The following PCDHGB4 variants were observed in gnomAD, a reference collection of about 807,000 sequenced individuals.
The protein encoded by PCDHGB4 is protocadherin gamma subfamily B, 4, also known as protocadherin gamma-B4.
Under a neutral mutation model 60.5 loss-of-function variants are expected in PCDHGB4, and 38 were observed. That is an observed-to-expected ratio of 0.63 (90% CI 0.48 to 0.82). PCDHGB4 has a LOEUF of 0.82. Among genes scored for constraint, PCDHGB4 ranks in the 40% least tolerant of loss-of-function variants. The pLI, the probability that PCDHGB4 is intolerant of heterozygous loss-of-function variation, is 0.00. For missense variants in PCDHGB4, 1,109 were observed against 1,209.6 expected, an observed-to-expected ratio of 0.92 and a Z score of 1.23; for synonymous variants, 456 against 509.7, an observed-to-expected ratio of 0.89 and a Z score of 1.42.
In PCDHGB4 at chr5:141,410,110, C is replaced by G. The variant is rs1361292941; in HGVS notation, c.2397+19829C>G. The G allele has an allele frequency of 6.8e-6, 11 of 1,612,422 alleles. No homozygotes were observed. In the African/African-American group the frequency reaches 1.3e-4, roughly 20 times the overall value. ...CGGCTCGAGCCTTAGGCGACAGGGA[C>G]GCAGCCCGCCAGCGCCTGCTGGTCG... is the stretch of plus-strand genomic sequence containing the variant. On this transcript the variant is annotated intron_variant, in intron 1 of 3. Coordinates refer to ENST00000519479, the MANE Select transcript of PCDHGB4 (RefSeq NM_003736.4).
rs2099634686 is a variant in PCDHGB4 at position 141,486,772 on chromosome 5, T to G, written c.2398-8035T>G. 1 of 1,614,246 alleles carries G rather than the reference T, an allele frequency of 6.2e-7. No individual in the cohort carries two copies. The highest frequency in any genetic ancestry group is 8.5e-7 in the Non-Finnish European group (1 of 1,180,042). Reference sequence around the variant, plus strand: ...ATGAGCAAACCCAGACACTGCAGTTTGAGGTGCAGGCCCGGGATCGGGGCA... The same window carrying G: ...ATGAGCAAACCCAGACACTGCAGTTGGAGGTGCAGGCCCGGGATCGGGGCA... On this transcript the variant is annotated intron_variant, in intron 1 of 3. Coordinates refer to ENST00000519479, the MANE Select transcript of PCDHGB4 (RefSeq NM_003736.4). This position sits in a 1 kb window ranked among gnomAD's most constrained non-coding sequence, Gnocchi z 5.0.
Position 141,485,844 on chromosome 5 carries a change from G to A in PCDHGB4, c.2398-8963G>A, listed in dbSNP as rs201857404. On this transcript the variant is annotated intron_variant, in intron 1 of 3. Transcript: ENST00000519479. The surrounding 1 kb of genome is among the most constrained non-coding windows in gnomAD (Gnocchi z 5.7). ...GATGGAGGGAACCCGCCGAGATCTGGCACCGCAGAGCTCCGGGTATCCGTG... is the reference window on the plus strand; with the variant it reads ...GATGGAGGGAACCCGCCGAGATCTGACACCGCAGAGCTCCGGGTATCCGTG... 6 of 1,613,890 alleles carry A rather than the reference G, an allele frequency of 3.7e-6. No homozygotes were observed. In the East Asian group the frequency reaches 1.1e-4, roughly 30 times the overall value.
At chr5:141,451,779 G>T (rs1284464259) in intron 1 of PCDHGB4, among the ~76,000 whole-genome samples, 1 of 152,070 alleles carries the variant, frequency 6.6e-6, no homozygotes, top group Non-Finnish European at 1.5e-5. Flanking sequence ...TACTCAGGAG[G>T]CTGAGGCCAG....
intron 1 of PCDHGB4, among the ~76,000 whole-genome samples, chr5:141,397,268 T>C (rs532503951): frequency 2.0e-5 from 3 of 152,180 alleles, no homozygotes; most frequent in African/African-American, 7.2e-5. Flanking sequence ...CTTAGCTACA[T>C]CATATGGGCA....
Position 141,389,816 on chromosome 5 carries a change from G to A in PCDHGB4, c.1932G>A (p.Val644=), listed in dbSNP as rs1359127304. 6.2e-7 allele frequency: 1 copy of A among 1,613,776 alleles called. No homozygotes were observed. The highest frequency in any genetic ancestry group is 1.7e-5 in the Admixed American group (1 of 60,004). The change falls in exon 1 of 4, where the codon GTG becomes GTA. Residue 644 remains valine (V), a synonymous_variant. Transcript: ENST00000519479. ...DAVRQRLLVA[V]RDGGQPPLSA... is the part of the protein sequence containing the mutation. Reference sequence around the variant, plus strand: ...TCCGCCAGCGCCTTCTGGTCGCCGTGCGTGACGGTGGACAGCCACCACTCT... The same window carrying A: ...TCCGCCAGCGCCTTCTGGTCGCCGTACGTGACGGTGGACAGCCACCACTCT...
chr5:141,487,297 C>A lies in PCDHGB4; in HGVS notation c.2398-7510C>A. ...TTTGCTTTGTCTCCTTTGGCTCATT[C>A]GTGGCACTACTCTCTAAGTGTCTTC... is the stretch of plus-strand genomic sequence containing the variant. On this transcript the variant is annotated intron_variant, in intron 1 of 3. Transcript: ENST00000519479. This position sits in a 1 kb window ranked among gnomAD's most constrained non-coding sequence, Gnocchi z 5.0. 1 of 1,614,102 alleles carries A rather than the reference C, an allele frequency of 6.2e-7. No homozygotes were observed. The highest frequency in any genetic ancestry group is 8.5e-7 in the Non-Finnish European group (1 of 1,180,002).
intron 1 of PCDHGB4, among the ~76,000 whole-genome samples, chr5:141,459,804 C>G (rs2098975712): frequency 6.6e-6 from 1 of 152,192 alleles, no homozygotes; most frequent in Non-Finnish European, 1.5e-5. Context: ...TCCCTGTTGA[C>G]TAGAGACACT....
chr5:141,446,251 A>G (rs979768028), intron 1 of PCDHGB4, among the ~76,000 whole-genome samples: 1 of 152,178 alleles, frequency 6.6e-6, no homozygotes, highest in Admixed American at 6.5e-5. Context: ...ATCTTCAGTG[A>G]AATATTATTA....
intron 1 of PCDHGB4, among the ~76,000 whole-genome samples, chr5:141,425,078 G>A (rs1196415752): frequency 3.9e-5 from 6 of 152,112 alleles, no homozygotes; most frequent in Admixed American, 6.5e-5. Flanking sequence ...AATTTCAACT[G>A]TAGGAAAGGC....
rs141397385 is a variant in PCDHGB4 at position 141,476,135 on chromosome 5, A to C, written c.2398-18672A>C. 8.4e-4 allele frequency: 1,352 copies of C among 1,608,526 alleles called. 1 individual carries two copies. Among genetic ancestry groups the C allele is most frequent in the Non-Finnish European group, 1.1e-3 (1,319 of 1,178,332 alleles). On this transcript the variant is annotated intron_variant, in intron 1 of 3. Transcript: ENST00000519479. This position sits in a 1 kb window ranked among gnomAD's most constrained non-coding sequence, Gnocchi z 7.6. ...GAGTGAGATGGTCCCAGAGGCCTGG[A>C]GGAGCGGACTGGTAAGCACCGGGAG...
Position 141,511,669 on chromosome 5 carries a change from T to C in PCDHGB4, c.*496T>C, listed in dbSNP as rs1468492336. 1 of 199,424 alleles carries C rather than the reference T, an allele frequency of 5.0e-6. No individual in the cohort carries two copies. The highest frequency in any genetic ancestry group is 2.3e-5 in the African/African-American group (1 of 43,748). The allele number at this position is 199,424 out of a possible 1,614,324, so 12.4% of individuals were successfully genotyped here. ...TCTTGGCCTCTCCTTTGATTCTCAA[T>C]CTTCCCCCAAAGCATGGTTTGGTGC... On this transcript the variant is annotated 3_prime_UTR_variant, in exon 4 of 4. Coordinates refer to ENST00000519479, the MANE Select transcript of PCDHGB4 (RefSeq NM_003736.4).
At chr5:141,436,425 G>A (rs2097823674) in intron 1 of PCDHGB4, among the ~76,000 whole-genome samples, 2 of 152,268 alleles carry the variant, frequency 1.3e-5, no homozygotes, top group Non-Finnish European at 2.9e-5. Context: ...AACAAATAAT[G>A]TACTCTGGGG....
chr5:141,399,960 G>T, intron 1 of PCDHGB4: 1 of 1,612,214 alleles, frequency 6.2e-7, no homozygotes, highest in Non-Finnish European at 8.5e-7. Flanking sequence ...GCGAGCCCGG[G>T]CTCTTCAGCC....
chr5:141,490,106 T>C lies in PCDHGB4; in HGVS notation c.2398-4701T>C, dbSNP rs1314489019. On this transcript the variant is annotated intron_variant, in intron 1 of 3. Coordinates refer to ENST00000519479, the MANE Select transcript of PCDHGB4 (RefSeq NM_003736.4). The surrounding 1 kb of genome is among the most constrained non-coding windows in gnomAD (Gnocchi z 5.4). ...TTTGGAGACCACACATCTGAGGCAG[T>C]GCGGAACCTCTTTGGCCTAGACCCT... 2.5e-6 allele frequency: 4 copies of C among 1,614,246 alleles called. No homozygotes were observed. Among genetic ancestry groups the C allele is most frequent in the South Asian group, 1.1e-5 (1 of 91,086 alleles).
At chr5:141,504,842 A>G (rs944461166) in intron 2 of PCDHGB4, among the ~76,000 whole-genome samples, 7 of 151,968 alleles carry the variant, frequency 4.6e-5, no homozygotes, top group African/African-American at 1.7e-4. Context: ...CTAGCTCTGG[A>G]ACATTCTCTT....
chr5:141,400,106 T>A (rs771937544), intron 1 of PCDHGB4: 1 of 1,613,950 alleles, frequency 6.2e-7, no homozygotes, highest in African/African-American at 1.3e-5. Context: ...CACTTGGTCT[T>A]TGCTGACAGC....
In PCDHGB4 at chr5:141,432,219, T is replaced by A. The variant is rs1327611752; in HGVS notation, c.2397+41938T>A. 6.2e-7 allele frequency: 1 copy of A among 1,614,122 alleles called. No homozygotes were observed. Among genetic ancestry groups the A allele is most frequent in the East Asian group, 2.2e-5 (1 of 44,868 alleles). On this transcript the variant is annotated intron_variant, in intron 1 of 3. Transcript: ENST00000519479. The surrounding 1 kb of genome is among the most constrained non-coding windows in gnomAD (Gnocchi z 6.0). The stretch of plus-strand genomic sequence containing the variant: ...CCCGACTGTGAAGAGAACGCCCAGA[T>A]CACTTATTCCCTGGCTGAGAACACC...
In PCDHGB4 at chr5:141,403,333, C is replaced by T. The variant is rs376895778; in HGVS notation, c.2397+13052C>T. On this transcript the variant is annotated intron_variant, in intron 1 of 3. Transcript: ENST00000519479. ...TAGAAATAGAAGTAACTGATATTAA[C>T]GACAGCGCCCCAAAGTTCCAGGCCG... is the stretch of plus-strand genomic sequence containing the variant. 5 of 1,613,866 alleles carry T rather than the reference C, an allele frequency of 3.1e-6. No homozygotes were observed. The African/African-American group carries it at 5.3e-5, about 17-fold the overall frequency.
chr5:141,461,655 ATTTTAAAG>A (rs2099019832), intron 1 of PCDHGB4, among the ~76,000 whole-genome samples: 1 of 152,022 alleles, frequency 6.6e-6, no homozygotes, highest in African/African-American at 2.4e-5. Flanking sequence ...CCCATGGATT[ATTTTAAAG>A]TTTGTTATTT....
Sources: gnomAD v4.1 joint callset for allele counts (sites outside exome capture counted in the v4.1 genomes callset) on GRCh38, gnomAD v4.1.1 for gene constraint, Gnocchi (gnomAD v3.1) non-coding constraint, MANE v1.5 for transcripts, NCBI Gene and HGNC (gene_info 2026-07-23, HGNC 2026-07-21) for gene names.